The following RMC1 variants were observed in gnomAD, a reference collection of about 807,000 sequenced individuals.
RMC1 encodes regulator of MON1-CCZ1.
RMC1 carries 44 observed loss-of-function variants against 95.5 expected under a neutral mutation model. The observed-to-expected ratio is 0.46, with a 90% CI of 0.36 to 0.59. RMC1 has a LOEUF of 0.59. Among genes scored for constraint, RMC1 ranks in the 20% least tolerant of loss-of-function variants. The probability of loss-of-function intolerance (pLI) is 0.00; values close to 1 mark genes in which losing one functional copy is unlikely to be tolerated. For missense variants in RMC1, 705 were observed against 819.6 expected (o/e 0.86, Z 1.71); for synonymous variants, 320 against 303.6 (o/e 1.05, Z -0.56).
In RMC1 at chr18:23,530,072, C is replaced by T. The variant is rs777522623; in HGVS notation, c.1539C>T (p.Asn513=). ...TTATCAAAACCCTTGTCCAGCACAA[C>T]CTCTTTTATATGCTGCATCAGTTCC... ...ELVIKTLVQH[N]LFYMLHQFLQ... Residue 513 remains asparagine, a synonymous_variant, in exon 17 of 20, where the codon AAC becomes AAT. Transcript: ENST00000269221. The T allele has an allele frequency of 3.7e-6, 6 of 1,614,114 alleles. No individual in the cohort carries two copies. The South Asian group carries it at 5.5e-5, about 15-fold the overall frequency.
At chr18:23,507,925 T>C in intron 3 of RMC1, 60 bp from the exon 4 acceptor site, 1 of 1,505,958 alleles carries the variant, frequency 6.6e-7, no homozygotes, top group African/African-American at 1.4e-5. Flanking sequence ...TATGCCAACG[T>C]AGGTTGGCAG....
chr18:23,529,013 G>A (rs2058396394), intron 14 of RMC1, 166 bp from the exon 15 acceptor site: 8 of 1,107,150 alleles, frequency 7.2e-6, no homozygotes, highest in Admixed American at 3.1e-5. Flanking sequence ...CTGAGTAGCT[G>A]GGATTACAGG....
At chr18:23,524,060 G>C in intron 10 of RMC1, 70 bp from the exon 11 acceptor site, 1 of 1,462,122 alleles carries the variant, frequency 6.8e-7, no homozygotes. Flanking sequence ...ATTGACTTTT[G>C]TGTCATAAGT....
intron 7 of RMC1, among the ~76,000 whole-genome samples, chr18:23,517,253 G>A (rs936203458): frequency 2.0e-5 from 3 of 151,754 alleles, no homozygotes; most frequent in Non-Finnish European, 2.9e-5. Flanking sequence ...AGGTTCAAGC[G>A]ATTCTCCTGC....
chr18:23,516,194 C>T, intron 6 of RMC1, 126 bp from the exon 7 acceptor site: 1 of 1,332,144 alleles, frequency 7.5e-7, no homozygotes, highest in South Asian at 1.2e-5. Flanking sequence ...TGTGAGAGGA[C>T]ATGGGGGACG....
chr18:23,511,924 A>G (rs1450329621), intron 5 of RMC1, among the ~76,000 whole-genome samples: 39 of 151,962 alleles, frequency 2.6e-4, no homozygotes, highest in Non-Finnish European at 1.3e-4. Context: ...GTGTATTTTC[A>G]CTAGCAATAT....
chr18:23,531,360 G>C, intron 19 of RMC1: 1 of 468,056 alleles, frequency 2.1e-6, no homozygotes, highest in Admixed American at 4.1e-5. Context: ...GAAGGATCAG[G>C]GCTGTCTAAT....
At chr18:23,513,489 G>A (rs1418594212) in intron 5 of RMC1, among the ~76,000 whole-genome samples, 2 of 152,236 alleles carry the variant, frequency 1.3e-5, no homozygotes, top group Non-Finnish European at 2.9e-5. Flanking sequence ...ATTGTGAATA[G>A]TGCTGCTGTC....
At chr18:23,516,207 G>A in intron 6 of RMC1, 113 bp from the exon 7 acceptor site, 1 of 1,388,116 alleles carries the variant, frequency 7.2e-7, no homozygotes, top group South Asian at 1.2e-5. Flanking sequence ...GGGGGACGGT[G>A]GAAAGGATCC....
intron 1 of RMC1, among the ~76,000 whole-genome samples, chr18:23,504,135 G>A (rs1208721184): frequency 6.6e-6 from 1 of 152,236 alleles, no homozygotes; most frequent in Non-Finnish European, 1.5e-5. Flanking sequence ...GCGAACCGGT[G>A]TTAGAACTTG....
rs758501055 is a variant in RMC1 at position 23,515,915 on chromosome 18, G to C, written c.468G>C (p.Trp156Cys). The C allele has an allele frequency of 2.5e-6, 4 of 1,614,076 alleles. No individual in the cohort carries two copies. Among genetic ancestry groups the C allele is most frequent in the Non-Finnish European group, 2.5e-6 (3 of 1,180,016 alleles). ...LLKSHNLNVNWYMYCPESAVI... is the reference protein window; with the variant it reads ...LLKSHNLNVNCYMYCPESAVI... ...AGAGCCACAATCTCAATGTGAATTGGTACATGTACTGCCCCGAGAGCGCCG... is the reference window on the plus strand; with the variant it reads ...AGAGCCACAATCTCAATGTGAATTGCTACATGTACTGCCCCGAGAGCGCCG... Residue 156 changes from tryptophan to cysteine, a missense_variant, in exon 6 of 20, where the codon TGG becomes TGC. Trp to Cys is a radical substitution (Grantham distance 215). Coordinates refer to ENST00000269221, the MANE Select transcript of RMC1 (RefSeq NM_013326.5).
chr18:23,529,395 G>GTGAT, intron 15 of RMC1, 97 bp downstream of exon 15: 1 of 1,492,384 alleles, frequency 6.7e-7, no homozygotes, highest in East Asian at 2.3e-5. Context: ...GTCACTTGAA[G>GTGAT]TGATTAGAAT....
intron 16 of RMC1, 125 bp downstream of exon 16, chr18:23,529,837 G>A: frequency 9.2e-7 from 1 of 1,084,982 alleles, no homozygotes. Flanking sequence ...AATGCTGAGT[G>A]ACTCCTGACA....
rs112473450 is a variant in RMC1 at position 23,507,170 on chromosome 18, G to T, written c.264+116G>T. ...TTTTATTATCTTACTGTTGTGAAAGGTATAGTTATGTTGCATTGTATTAGA... is the reference window on the plus strand; with the variant it reads ...TTTTATTATCTTACTGTTGTGAAAGTTATAGTTATGTTGCATTGTATTAGA... On this transcript the variant is annotated intron_variant, in intron 3 of 19. Transcript: ENST00000269221. The T allele has an allele frequency of 4.8e-5, 33 of 682,786 alleles. 1 individual carries two copies. The highest frequency in any genetic ancestry group is 3.1e-4 in the African/African-American group (17 of 54,792). The allele number at this position is 682,786 out of a possible 1,614,324, so 42.3% of individuals were successfully genotyped here.
chr18:23,516,084 C>T (rs533167034), intron 6 of RMC1, 88 bp downstream of exon 6: 49 of 1,575,868 alleles, frequency 3.1e-5, no homozygotes, highest in East Asian at 4.5e-5. Flanking sequence ...ACGTTAGGGA[C>T]AGGTTCCTCT....
At chr18:23,528,160 G>C in intron 14 of RMC1, 1 of 358,926 alleles carries the variant, frequency 2.8e-6, no homozygotes, top group Non-Finnish European at 5.0e-6. Flanking sequence ...GTTTGATCTT[G>C]CCTGTAGATC....
At chr18:23,530,915 G>C (rs2145310803) in intron 19 of RMC1, among the ~76,000 whole-genome samples, 1 of 152,278 alleles carries the variant, frequency 6.6e-6, no homozygotes, top group South Asian at 2.1e-4. Flanking sequence ...CCAGGAATAA[G>C]ACGGCAAATG....
chr18:23,510,742 C>T (rs2057832840), intron 5 of RMC1, among the ~76,000 whole-genome samples: 2 of 152,164 alleles, frequency 1.3e-5, no homozygotes, highest in South Asian at 4.1e-4. Context: ...CATCACTGAT[C>T]ATTAGAGAAA....
At chr18:23,527,395 A>G (rs970125013) in intron 13 of RMC1, among the ~76,000 whole-genome samples, 1 of 151,656 alleles carries the variant, frequency 6.6e-6, no homozygotes, top group African/African-American at 2.4e-5. Context: ...AAGACCCTGT[A>G]TCCAAAAAAA....
Sources: allele counts gnomAD v4.1 joint callset (sites outside exome capture counted in the v4.1 genomes callset), GRCh38; gene constraint gnomAD v4.1.1; transcripts MANE v1.5; gene names NCBI Gene and HGNC (gene_info 2026-07-23, HGNC 2026-07-21).